Variants in IMMP2L observed in about 807,000 individuals in gnomAD.
The protein encoded by IMMP2L is mitochondrial inner membrane protease subunit 2.
IMMP2L carries 18 observed loss-of-function variants against 19.3 expected under a neutral mutation model. That is an observed-to-expected ratio of 0.93 (90% CI 0.64 to 1.38). IMMP2L has a LOEUF of 1.38. Among genes scored for constraint, IMMP2L ranks in the 40% most tolerant of loss-of-function variants. IMMP2L has a pLI of 0.00. For missense variants in IMMP2L, 233 were observed against 218.2 expected (o/e 1.07, Z -0.43); for synonymous variants, 76 against 73.0 (o/e 1.04, Z -0.21).
Position 111,158,018 on chromosome 7 carries a change from A to T in IMMP2L, c.240-194453T>A, listed in dbSNP as rs115688618. On this transcript the variant is annotated intron_variant, in intron 3 of 5. Transcript: ENST00000405709. Reference sequence around the variant, plus strand: ...GCACAAATCTGGCCCCGATGACATCATTAAAATATATTACTATTAGCACTA... The same window carrying T: ...GCACAAATCTGGCCCCGATGACATCTTTAAAATATATTACTATTAGCACTA... Among the ~76,000 whole-genome samples the T allele has an allele frequency of 5.0e-3, 764 of 152,194 alleles. 13 individuals carry two copies. Among genetic ancestry groups the T allele is most frequent in the African/African-American group, 0.018 (740 of 41,572 alleles).
intron 5 of IMMP2L, among the ~76,000 whole-genome samples, chr7:110,820,534 A>G (rs1246116584): frequency 6.6e-6 from 1 of 151,906 alleles, no homozygotes. Context: ...ATCTGAACAT[A>G]TATGTTTCAT....
intron 5 of IMMP2L, among the ~76,000 whole-genome samples, chr7:110,672,768 G>A (rs899439298): frequency 1.3e-5 from 2 of 152,162 alleles, no homozygotes; most frequent in African/African-American, 2.4e-5. Context: ...TTGACTCCAT[G>A]TCTCATATCC....
At chr7:110,885,331 C>G (rs1387314578) in intron 5 of IMMP2L, among the ~76,000 whole-genome samples, 2 of 151,806 alleles carry the variant, frequency 1.3e-5, no homozygotes, top group Non-Finnish European at 2.9e-5. Flanking sequence ...AGATTTCAGA[C>G]TTTTGGATTG....
chr7:110,748,251 C>T (rs1343075033), intron 5 of IMMP2L, among the ~76,000 whole-genome samples: 6 of 152,138 alleles, frequency 3.9e-5, no homozygotes, highest in South Asian at 2.1e-4. Context: ...TAAGAGAGGA[C>T]ACAAACAAAT....
At chr7:111,237,219 T>G (rs534983387) in intron 3 of IMMP2L, among the ~76,000 whole-genome samples, 23 of 152,280 alleles carry the variant, frequency 1.5e-4, no homozygotes, top group Non-Finnish European at 2.4e-4. Flanking sequence ...GCTTTGAAGC[T>G]AATTAAAATT....
At chr7:111,017,955 C>A (rs1248392883) in intron 3 of IMMP2L, among the ~76,000 whole-genome samples, 1 of 152,172 alleles carries the variant, frequency 6.6e-6, no homozygotes, top group Non-Finnish European at 1.5e-5. Flanking sequence ...TACTTAACAA[C>A]ACTTTTTGGA....
intron 3 of IMMP2L, among the ~76,000 whole-genome samples, chr7:111,469,128 A>T (rs1840966080): frequency 1.3e-5 from 2 of 152,098 alleles, no homozygotes; most frequent in Non-Finnish European, 2.9e-5. Flanking sequence ...CTGTTTTGGT[A>T]CCAGTACCAT....
At chr7:110,793,939 T>C (rs776882027) in intron 5 of IMMP2L, among the ~76,000 whole-genome samples, 2 of 151,996 alleles carry the variant, frequency 1.3e-5, no homozygotes, top group Non-Finnish European at 2.9e-5. Context: ...CATCAGGGAA[T>C]TGGAAATGAA....
chr7:110,834,261 G>C (rs1377778733), intron 5 of IMMP2L, among the ~76,000 whole-genome samples: 1 of 152,062 alleles, frequency 6.6e-6, no homozygotes, highest in Admixed American at 6.6e-5. Context: ...ATTCAGTTTA[G>C]ACTATCACTT....
intron 3 of IMMP2L, among the ~76,000 whole-genome samples, chr7:111,441,751 T>A (rs1409952412): frequency 6.7e-6 from 1 of 149,644 alleles, no homozygotes; most frequent in Non-Finnish European, 1.5e-5. Flanking sequence ...ACACAGTATC[T>A]GCAAAGTGCA....
intron 3 of IMMP2L, among the ~76,000 whole-genome samples, chr7:111,283,537 T>C (rs1293989166): frequency 6.6e-6 from 1 of 151,974 alleles, no homozygotes; most frequent in African/African-American, 2.4e-5. Flanking sequence ...GGCTAGCATG[T>C]AGGGTATGTG....
chr7:111,026,590 A>G (rs1400790805), intron 3 of IMMP2L, among the ~76,000 whole-genome samples: 1 of 152,132 alleles, frequency 6.6e-6, no homozygotes, highest in African/African-American at 2.4e-5. Context: ...TTCCAACACC[A>G]ATGTACTTGA....
Position 111,123,940 on chromosome 7 carries a change from G to C in IMMP2L, c.240-160375C>G, listed in dbSNP as rs1314721425. ...GAACAAAACCAACATTCGATTCATGGAGCCAGATTCACTGTTTTGCGTGGA... is the reference window on the plus strand; with the variant it reads ...GAACAAAACCAACATTCGATTCATGCAGCCAGATTCACTGTTTTGCGTGGA... On this transcript the variant is annotated intron_variant, in intron 3 of 5. Transcript: ENST00000405709. The surrounding 1 kb of genome is among the most constrained non-coding windows in gnomAD (Gnocchi z 6.4). The C allele has an allele frequency of 6.2e-7, 1 of 1,613,988 alleles. No individual in the cohort carries two copies. Among genetic ancestry groups the C allele is most frequent in the Admixed American group, 1.7e-5 (1 of 59,944 alleles).
chr7:110,823,104 G>A (rs1803179564), intron 5 of IMMP2L, among the ~76,000 whole-genome samples: 1 of 152,060 alleles, frequency 6.6e-6, no homozygotes, highest in Admixed American at 6.6e-5. Context: ...CAATGTTTAT[G>A]AGTTTTTAAT....
At chr7:110,823,589 G>A (rs1461521989) in intron 5 of IMMP2L, among the ~76,000 whole-genome samples, 2 of 151,982 alleles carry the variant, frequency 1.3e-5, no homozygotes, top group Non-Finnish European at 2.9e-5. Flanking sequence ...TGTGGAACTG[G>A]CAATGGTGAA....
intron 5 of IMMP2L, among the ~76,000 whole-genome samples, chr7:110,715,654 T>C (rs1321001974): frequency 6.6e-6 from 1 of 152,182 alleles, no homozygotes; most frequent in Non-Finnish European, 1.5e-5. Flanking sequence ...TTCAGCTTTT[T>C]TGAATTTATT....
chr7:111,226,862 G>A (rs1813162890), intron 3 of IMMP2L, among the ~76,000 whole-genome samples: 1 of 151,980 alleles, frequency 6.6e-6, no homozygotes, highest in Admixed American at 6.6e-5. Context: ...AAGTAATATA[G>A]CAATAATACG....
intron 5 of IMMP2L, among the ~76,000 whole-genome samples, chr7:110,846,488 C>T (rs1416580368): frequency 2.0e-5 from 3 of 151,810 alleles, no homozygotes; most frequent in Non-Finnish European, 4.4e-5. Flanking sequence ...GTCTTAGCCT[C>T]CCGAGTAGCT....
intron 5 of IMMP2L, among the ~76,000 whole-genome samples, chr7:110,722,002 A>AT (rs1383266551): frequency 6.6e-6 from 1 of 152,132 alleles, no homozygotes; most frequent in Non-Finnish European, 1.5e-5. Context: ...GGAAGGATTG[A>AT]TTTTAACTGG....
Sources: allele counts gnomAD v4.1 joint callset (sites outside exome capture counted in the v4.1 genomes callset), GRCh38; gene constraint gnomAD v4.1.1; non-coding constraint Gnocchi (gnomAD v3.1); transcripts MANE v1.5; gene names NCBI Gene and HGNC (gene_info 2026-07-23, HGNC 2026-07-21).